Variants in KCNH1 observed in about 807,000 individuals in gnomAD.
KCNH1 encodes potassium voltage-gated channel subfamily H member 1.
KCNH1 carries 27 observed loss-of-function variants against 69.2 expected under a neutral mutation model. The ratio of observed to expected loss-of-function variants is 0.39; its 90% CI spans 0.29 to 0.54. The LOEUF (loss-of-function observed/expected upper bound fraction) is 0.54. Ranked by LOEUF, KCNH1 falls within the 20% of genes least tolerant of loss-of-function variation. The pLI, the probability that KCNH1 is intolerant of heterozygous loss-of-function variation, is 0.68. For synonymous variants in KCNH1, 456 were observed against 487.7 expected (o/e 0.93, Z 0.86); for missense variants, 798 against 1,261.6 (o/e 0.63, Z 5.57).
chr1:211,100,724 G>A lies in KCNH1; in HGVS notation c.310+2772C>T, dbSNP rs374756194. Among the ~76,000 whole-genome samples, 45 of 152,244 alleles carry A rather than the reference G, an allele frequency of 3.0e-4. No individual in the cohort carries two copies. The South Asian group carries it at 9.1e-3, about 31-fold the overall frequency. ...TTTCTATGTGTCAGGCACTGGGCTG[G>A]GTGCAAGGGGTAGAGCTCTGAAAGA... On this transcript the variant is annotated intron_variant, in intron 3 of 10. Transcript: ENST00000271751.
chr1:211,038,219 C>T (rs1689933312), intron 5 of KCNH1, among the ~76,000 whole-genome samples: 2 of 152,112 alleles, frequency 1.3e-5, no homozygotes, highest in African/African-American at 4.8e-5. Flanking sequence ...CCTCAGCCTC[C>T]CAAAGTGCTG....
intron 7 of KCNH1, among the ~76,000 whole-genome samples, chr1:210,867,212 A>G (rs912873606): frequency 2.6e-4 from 40 of 151,914 alleles, no homozygotes; most frequent in African/African-American, 9.4e-4. Flanking sequence ...GCACAACTCA[A>G]TAATATACTT....
intron 6 of KCNH1, among the ~76,000 whole-genome samples, chr1:210,977,053 A>G (rs924290448): frequency 1.3e-5 from 2 of 152,326 alleles, no homozygotes; most frequent in Non-Finnish European, 1.5e-5. Flanking sequence ...CTTGGAACCA[A>G]CCCAAATGTC....
chr1:211,062,761 A>C (rs1690452369), intron 5 of KCNH1, among the ~76,000 whole-genome samples: 1 of 152,264 alleles, frequency 6.6e-6, no homozygotes, highest in Non-Finnish European at 1.5e-5. Flanking sequence ...ATGAGATATC[A>C]TGTAACCCCA....
At chr1:211,020,675 A>G (rs1689572083) in intron 5 of KCNH1, among the ~76,000 whole-genome samples, 1 of 152,126 alleles carries the variant, frequency 6.6e-6, no homozygotes, top group Non-Finnish European at 1.5e-5. Context: ...AAAACCAGAC[A>G]AAGGCAAAAC....
intron 10 of KCNH1, among the ~76,000 whole-genome samples, chr1:210,714,463 G>A (rs1021399303): frequency 1.3e-5 from 2 of 152,190 alleles, no homozygotes; most frequent in Admixed American, 6.5e-5. Flanking sequence ...TAGGCAAGTT[G>A]TTAACCTAAA....
chr1:210,787,755 T>G (rs995414078), intron 9 of KCNH1, among the ~76,000 whole-genome samples: 1 of 152,218 alleles, frequency 6.6e-6, no homozygotes, highest in Non-Finnish European at 1.5e-5. Flanking sequence ...AGTTTAATGA[T>G]AAGCTGAAAA....
chr1:210,818,914 T>C (rs912242217), intron 7 of KCNH1, among the ~76,000 whole-genome samples: 1 of 152,186 alleles, frequency 6.6e-6, no homozygotes, highest in Non-Finnish European at 1.5e-5. Flanking sequence ...GGTGAGCAAG[T>C]AGATTTTTTT....
intron 10 of KCNH1, among the ~76,000 whole-genome samples, chr1:210,738,970 C>T (rs1682951723): frequency 6.6e-6 from 1 of 152,148 alleles, no homozygotes; most frequent in African/African-American, 2.4e-5. Flanking sequence ...TAGCTAGTGT[C>T]ACTTTCTGGT....
chr1:210,917,207 CAGAGAGAGAG>C (rs140438633), intron 7 of KCNH1, among the ~76,000 whole-genome samples: 9,424 of 108,284 alleles, frequency 0.087, 689 homozygotes, highest in Non-Finnish European at 0.11. Flanking sequence ...AAGAAAGGGA[CAGAGAGAGAG>C]AGAGAGAGAG....
intron 8 of KCNH1, among the ~76,000 whole-genome samples, chr1:210,800,632 T>C (rs934612150): frequency 6.6e-6 from 1 of 152,170 alleles, no homozygotes; most frequent in South Asian, 2.1e-4. Context: ...GGCTCCACAC[T>C]GAGGTGGGTG....
At chr1:210,740,405 T>C (rs1330535287) in intron 10 of KCNH1, among the ~76,000 whole-genome samples, 1 of 152,208 alleles carries the variant, frequency 6.6e-6, no homozygotes, top group Non-Finnish European at 1.5e-5. Flanking sequence ...CAAAGAAAAG[T>C]TATCCATGAT....
chr1:210,856,707 C>G (rs1685845252), intron 7 of KCNH1, among the ~76,000 whole-genome samples: 1 of 148,994 alleles, frequency 6.7e-6, no homozygotes, highest in African/African-American at 2.5e-5. Context: ...ATAAACTAAT[C>G]TTGGTAATGG....
chr1:211,126,687 C>CAAAAAAAAAAAAA (rs71571980), intron 1 of KCNH1, among the ~76,000 whole-genome samples: 5 of 64,952 alleles, frequency 7.7e-5, no homozygotes, highest in African/African-American at 2.6e-4. Flanking sequence ...TATAATATCT[C>CAAAAAAAAAAAAA]AAAAAAAAAA....
intron 9 of KCNH1, among the ~76,000 whole-genome samples, chr1:210,791,612 T>C (rs1409965399): frequency 6.6e-6 from 1 of 152,208 alleles, no homozygotes; most frequent in East Asian, 1.9e-4. Flanking sequence ...GTTCAACTTC[T>C]ACCTCCTCCA....
In KCNH1 at chr1:210,683,547, C is replaced by A. The variant is rs764512550; in HGVS notation, c.2704G>T (p.Asp902Tyr). 6.2e-7 allele frequency: 1 copy of A among 1,614,106 alleles called. No homozygotes were observed. Among genetic ancestry groups the A allele is most frequent in the South Asian group, 1.1e-5 (1 of 91,060 alleles). The stretch of plus-strand genomic sequence containing the variant: ...ACCTCTGCCAGGATGGGACTCCGAT[C>A]CTGGGGACTCCTGGCCTCACCCACG... ...DNVGEARSPQ[D>Y]RSPILAEVKH... is the part of the protein sequence containing the mutation. The change falls in exon 11 of 11, where the codon GAT becomes TAT. Residue 902 changes from aspartate (D) to tyrosine (Y), a missense_variant. Around this residue, in one of 4 missense-constraint regions of KCNH1, gnomAD observed 331 missense variants for 363.2 expected, o/e 0.91. Coordinates refer to ENST00000271751, the MANE Select transcript of KCNH1 (RefSeq NM_172362.3). The surrounding 1 kb of genome is among the most constrained non-coding windows in gnomAD (Gnocchi z 5.7).
At chr1:210,724,111 A>G (rs535786005) in intron 10 of KCNH1, among the ~76,000 whole-genome samples, 3 of 152,304 alleles carry the variant, frequency 2.0e-5, no homozygotes, top group Non-Finnish European at 4.4e-5. Context: ...TATCCTCACA[A>G]TATGTGAGGA....
At chr1:210,954,605 C>T (rs1287540099) in intron 6 of KCNH1, among the ~76,000 whole-genome samples, 1 of 152,046 alleles carries the variant, frequency 6.6e-6, no homozygotes, top group African/African-American at 2.4e-5. Flanking sequence ...TTCTAACTGG[C>T]ATGAGATGAT....
chr1:210,840,656 G>A (rs1054945397), intron 7 of KCNH1, among the ~76,000 whole-genome samples: 4 of 152,200 alleles, frequency 2.6e-5, no homozygotes, highest in African/African-American at 9.7e-5. Flanking sequence ...GGTTGCAAAA[G>A]CAAGCTTGGA....
Sources: allele counts gnomAD v4.1 joint callset (sites outside exome capture counted in the v4.1 genomes callset), GRCh38; gene constraint gnomAD v4.1.1; regional missense constraint gnomAD v4.1.1; non-coding constraint Gnocchi (gnomAD v3.1); transcripts MANE v1.5; gene names NCBI Gene and HGNC (gene_info 2026-07-23, HGNC 2026-07-21).